The following NAALADL2 variants were observed in gnomAD, a reference collection of about 807,000 sequenced individuals.
NAALADL2 encodes the protein N-acetylated alpha-linked acidic dipeptidase like 2.
In NAALADL2, 76 loss-of-function variants were observed where a neutral mutation model predicts 87.2. That is an observed-to-expected ratio of 0.87 (90% CI 0.72 to 1.05). The LOEUF (loss-of-function observed/expected upper bound fraction) is 1.05. Among genes scored for constraint, NAALADL2 ranks in the 50% least tolerant of loss-of-function variants. The pLI, the probability that NAALADL2 is intolerant of heterozygous loss-of-function variation, is 0.00. For synonymous variants in NAALADL2, 354 were observed against 331.0 expected, an observed-to-expected ratio of 1.07 and a Z score of -0.75; for missense variants, 1,089 against 945.8, an observed-to-expected ratio of 1.15 and a Z score of -1.99.
At chr3:175,282,270 G>T (rs887260471) in intron 4 of NAALADL2, among the ~76,000 whole-genome samples, 1 of 151,974 alleles carries the variant, frequency 6.6e-6, no homozygotes, top group African/African-American at 2.4e-5. Flanking sequence ...TAGCATGAGT[G>T]GGGTTACTAG....
intron 10 of NAALADL2, among the ~76,000 whole-genome samples, chr3:175,603,761 G>A (rs562296833): frequency 6.6e-6 from 1 of 152,142 alleles, no homozygotes; most frequent in South Asian, 2.1e-4. Context: ...TGAGAATAAC[G>A]CTGCTGTGAA....
At chr3:175,165,969 ACATTAGTTCTCCTGCTAC>A (rs1163267566) in intron 2 of NAALADL2, among the ~76,000 whole-genome samples, 1 of 151,596 alleles carries the variant, frequency 6.6e-6, no homozygotes, top group Non-Finnish European at 1.5e-5. Context: ...CACCGGCCTC[ACATTAGTTCTCCTGCTAC>A]CATTTGCTGG....
intron 2 of NAALADL2, among the ~76,000 whole-genome samples, chr3:175,172,258 T>G (rs1314959796): frequency 1.5e-5 from 2 of 137,220 alleles, no homozygotes; most frequent in Non-Finnish European, 3.4e-5. Flanking sequence ...ATATGTATCT[T>G]CATATATATA....
At chr3:174,648,248 G>A (rs1209565423) in intron 2 of NAALADL2, among the ~76,000 whole-genome samples, 7 of 151,754 alleles carry the variant, frequency 4.6e-5, no homozygotes, top group Non-Finnish European at 7.4e-5. Flanking sequence ...GCTTGAACCC[G>A]GGAGGCAGAG....
At chr3:174,906,201 G>T (rs12696367) in intron 1 of NAALADL2, among the ~76,000 whole-genome samples, 148 of 152,006 alleles carry the variant, frequency 9.7e-4, no homozygotes, top group African/African-American at 2.8e-3. Context: ...AAACAAGAAG[G>T]TTTCTTGAAA....
intron 1 of NAALADL2, among the ~76,000 whole-genome samples, chr3:174,931,421 T>C (rs2108419481): frequency 6.6e-6 from 1 of 152,260 alleles, no homozygotes; most frequent in East Asian, 1.9e-4. Context: ...ATACTAAAAG[T>C]GCCATATCGT....
intron 1 of NAALADL2, among the ~76,000 whole-genome samples, chr3:174,961,969 A>T (rs955882270): frequency 2.1e-5 from 3 of 143,362 alleles, no homozygotes; most frequent in Non-Finnish European, 3.2e-5. Context: ...TGGTCTGTGT[A>T]ATGTGTGATG....
chr3:174,647,713 G>C (rs926107277), intron 2 of NAALADL2, among the ~76,000 whole-genome samples: 1 of 152,114 alleles, frequency 6.6e-6, no homozygotes, highest in Non-Finnish European at 1.5e-5. Context: ...ATTGACCCAG[G>C]ATCTATAACC....
chr3:175,410,376 T>C lies in NAALADL2; in HGVS notation c.1091-36853T>C, dbSNP rs78138633. On this transcript the variant is annotated intron_variant, in intron 5 of 13. Transcript: ENST00000454872. ...GTTTCATTTAAAAGATTCCAGATGG[T>C]TGAGTTGTAACCCACAGAGAAGCTC... 6.0e-3 allele frequency among the ~76,000 whole-genome samples: 917 copies of C among 152,328 alleles called. 10 individuals are homozygous for C. Among genetic ancestry groups the C allele is most frequent in the African/African-American group, 0.019 (797 of 41,584 alleles).
intron 1 of NAALADL2, among the ~76,000 whole-genome samples, chr3:174,899,532 T>G (rs888538176): frequency 6.6e-6 from 1 of 152,166 alleles, no homozygotes; most frequent in Admixed American, 6.5e-5. Context: ...GCTTCTGCTC[T>G]GGCAAGGTGA....
At chr3:174,826,335 T>C (rs1721992159) in intron 3 of NAALADL2, among the ~76,000 whole-genome samples, 1 of 152,232 alleles carries the variant, frequency 6.6e-6, no homozygotes. Flanking sequence ...GTTTTGAATT[T>C]TGGCTCTGTT....
intron 3 of NAALADL2, among the ~76,000 whole-genome samples, chr3:174,823,899 C>A (rs1004688721): frequency 2.0e-5 from 3 of 151,892 alleles, no homozygotes; most frequent in African/African-American, 7.3e-5. Context: ...TTAGTAGATA[C>A]GAGATTTCAC....
intron 11 of NAALADL2, among the ~76,000 whole-genome samples, chr3:175,634,131 G>A (rs927067630): frequency 2.0e-5 from 3 of 151,754 alleles, no homozygotes; most frequent in Non-Finnish European, 3.0e-5. Context: ...GTGAATAAAG[G>A]TTAATGGTGG....
At chr3:175,730,427 T>TATATATAG (rs1743561158) in intron 11 of NAALADL2, among the ~76,000 whole-genome samples, 2 of 91,126 alleles carry the variant, frequency 2.2e-5, no homozygotes, top group Non-Finnish European at 4.7e-5. Flanking sequence ...TATATATATA[T>TATATATAG]ATATATATAT....
At chr3:175,592,227 T>A (rs1399622394) in intron 10 of NAALADL2, among the ~76,000 whole-genome samples, 1 of 152,118 alleles carries the variant, frequency 6.6e-6, no homozygotes, top group Admixed American at 6.5e-5. Flanking sequence ...CCATAATTCC[T>A]TTCATGCAAG....
intron 6 of NAALADL2, among the ~76,000 whole-genome samples, chr3:175,459,439 C>T (rs1722784390): frequency 6.7e-6 from 1 of 149,510 alleles, no homozygotes; most frequent in South Asian, 2.1e-4. Context: ...TAGAGAAATA[C>T]AAAAGTACGA....
chr3:175,525,970 C>G (rs1466344437), intron 9 of NAALADL2, among the ~76,000 whole-genome samples: 1 of 152,188 alleles, frequency 6.6e-6, no homozygotes, highest in East Asian at 1.9e-4. Flanking sequence ...GAAAGTACTT[C>G]CAAGATCCCT....
intron 13 of NAALADL2, among the ~76,000 whole-genome samples, chr3:175,796,312 G>T (rs1376343138): frequency 6.6e-6 from 1 of 152,084 alleles, no homozygotes; most frequent in African/African-American, 2.4e-5. Flanking sequence ...GGAATGAGCT[G>T]CAAAGTCTTA....
chr3:174,755,698 A>G (rs1186836326), intron 3 of NAALADL2, among the ~76,000 whole-genome samples: 1 of 152,214 alleles, frequency 6.6e-6, no homozygotes, highest in Admixed American at 6.5e-5. Flanking sequence ...TATAACACTT[A>G]TTGCATAAAA....
Sources: allele counts gnomAD v4.1 joint callset (sites outside exome capture counted in the v4.1 genomes callset), GRCh38; gene constraint gnomAD v4.1.1; transcripts MANE v1.5; gene names NCBI Gene and HGNC (gene_info 2026-07-23, HGNC 2026-07-21).